SHOC2: variants seen among roughly 807,000 people sequenced by gnomAD.
SHOC2 encodes leucine-rich repeat protein SHOC-2.
SHOC2 carries 4 observed loss-of-function variants against 50.2 expected under a neutral mutation model. The ratio of observed to expected loss-of-function variants is 0.08; its 90% confidence interval spans 0.04 to 0.18. The LOEUF is 0.18. Ranked by LOEUF, SHOC2 falls within the 10% of genes least tolerant of loss-of-function variation. The pLI is 1.00. For missense variants in SHOC2, 388 were observed against 669.6 expected (o/e 0.58, Z 4.64); for synonymous variants, 218 against 244.5 (o/e 0.89, Z 1.01).
intron 2 of SHOC2, among the ~76,000 whole-genome samples, chr10:110,977,683 C>T (rs2134137922): frequency 6.6e-6 from 1 of 152,244 alleles, no homozygotes; most frequent in Non-Finnish European, 1.5e-5. Context: ...TCAGTTTAAT[C>T]CTTTCGTGGC....
Position 111,011,808 on chromosome 10 carries a change from C to T in SHOC2, c.1739C>T (p.Ala580Val), listed in dbSNP as rs1848570757. 1.2e-6 allele frequency: 2 copies of T among 1,613,096 alleles called. No homozygotes were observed. The highest frequency in any genetic ancestry group is 4.5e-5 in the East Asian group (2 of 44,886). ...QFLKMQGPYR[A>V]MV ...TTAAAGATGCAGGGTCCATATCGTGCCATGGTCTGATATAAATCTGCTGGT... is the reference window on the plus strand; with the variant it reads ...TTAAAGATGCAGGGTCCATATCGTGTCATGGTCTGATATAAATCTGCTGGT... The change falls in exon 9 of 9, where the codon GCC (alanine) becomes GTC (valine). Residue 580 changes from alanine (A) to valine (V), a missense_variant. Transcript: ENST00000369452.
chr10:111,009,978 G>T (rs1848538565), intron 8 of SHOC2, 148 bp downstream of exon 8: 1 of 594,260 alleles, frequency 1.7e-6, no homozygotes, highest in Non-Finnish European at 3.0e-6. Context: ...AGCACCGATG[G>T]TTGATTGTTG....
intron 1 of SHOC2, among the ~76,000 whole-genome samples, chr10:110,958,131 C>T (rs937362293): frequency 6.6e-6 from 1 of 152,152 alleles, no homozygotes; most frequent in Non-Finnish European, 1.5e-5. Context: ...AATAGATGAA[C>T]TGGCTGCTGC....
rs1848601767 is a variant in SHOC2 at position 111,013,288 on chromosome 10, C to T, written c.*1470C>T. On this transcript the variant is annotated 3_prime_UTR_variant, in exon 9 of 9. Coordinates refer to ENST00000369452, the MANE Select transcript of SHOC2 (RefSeq NM_007373.4). ...AATTAATCACTATTTTGTATAATTA[C>T]ATATTGCTGCTTGTGTGTTTTTTTT... 1 of 149,820 alleles carries T rather than the reference C, an allele frequency of 6.7e-6. No individual in the cohort carries two copies. The highest frequency in any genetic ancestry group is 1.9e-4 in the East Asian group (1 of 5,164). The allele number at this position is 149,820 out of a possible 1,614,324, so 9.3% of individuals were successfully genotyped here. A position where few individuals can be genotyped will look rare whatever the true frequency, so the allele number is the denominator to read the frequency against.
chr10:110,995,426 A>G (rs1263418722), intron 3 of SHOC2, among the ~76,000 whole-genome samples: 1 of 152,226 alleles, frequency 6.6e-6, no homozygotes, highest in Admixed American at 6.5e-5. Flanking sequence ...ATGGAAGAAA[A>G]ATGCAGTCCA....
At chr10:110,942,503 G>A in intron 1 of SHOC2, among the ~76,000 whole-genome samples, 1 of 152,170 alleles carries the variant, frequency 6.6e-6, no homozygotes, top group Admixed American at 6.5e-5. Context: ...ATGAGCCACT[G>A]TACCCAGCTC....
intron 1 of SHOC2, among the ~76,000 whole-genome samples, chr10:110,961,986 C>T (rs910651376): frequency 1.3e-5 from 2 of 152,034 alleles, no homozygotes; most frequent in Admixed American, 6.6e-5. Context: ...GACCCCCTCT[C>T]CCTAAAATTT....
chr10:110,930,404 T>G (rs1356813832), intron 1 of SHOC2, among the ~76,000 whole-genome samples: 1 of 152,168 alleles, frequency 6.6e-6, no homozygotes, highest in East Asian at 1.9e-4. Flanking sequence ...GGAAAGGATT[T>G]ATAATGAGAT....
At chr10:111,010,502 G>A (rs1346329568) in intron 8 of SHOC2, among the ~76,000 whole-genome samples, 1 of 152,030 alleles carries the variant, frequency 6.6e-6, no homozygotes, top group Non-Finnish European at 1.5e-5. Flanking sequence ...TGGATACAGG[G>A]TGGGGAACAT....
At position 111,011,274 on chromosome 10, in the gene SHOC2, A is replaced by G. The variant is rs190442971; in HGVS notation, c.1541-336A>G. Among the ~76,000 whole-genome samples the G allele has an allele frequency of 2.0e-3, 310 of 152,302 alleles. 3 individuals carry two copies. Among genetic ancestry groups the G allele is most frequent in the Non-Finnish European group, 1.6e-3 (110 of 68,024 alleles). On this transcript the variant is annotated intron_variant, in intron 8 of 8. Transcript: ENST00000369452. ...TAAAATATATATAAGTAAATGTTAT[A>G]TATGTGCCAAACTATCCCAAACAGA...
chr10:110,927,702 C>T (rs192990190), intron 1 of SHOC2, among the ~76,000 whole-genome samples: 4 of 152,198 alleles, frequency 2.6e-5, no homozygotes, highest in East Asian at 1.9e-4. Context: ...GTATTTGGGA[C>T]GAGAACAAAG....
chr10:110,995,810 T>G (rs1329309511), intron 3 of SHOC2, among the ~76,000 whole-genome samples: 1 of 152,240 alleles, frequency 6.6e-6, no homozygotes, highest in Non-Finnish European at 1.5e-5. Context: ...CAGTGTAAAG[T>G]GCCCAGACTT....
At chr10:110,951,407 A>G (rs1315200447) in intron 1 of SHOC2, among the ~76,000 whole-genome samples, 1 of 152,188 alleles carries the variant, frequency 6.6e-6, no homozygotes, top group Non-Finnish European at 1.5e-5. Flanking sequence ...TGGTGGGGAT[A>G]TAGAGAGAAT....
rs113460366 is a variant in SHOC2, at chr10:110,936,430, C to A, written c.-235+16773C>A. ...CTTCACTGATGTTTAAACATTGATTCCCTCCTCCTTCACATGTTAAGATAG... is the reference window on the plus strand; with the variant it reads ...CTTCACTGATGTTTAAACATTGATTACCTCCTCCTTCACATGTTAAGATAG... On this transcript the variant is annotated intron_variant, in intron 1 of 8. Transcript: ENST00000369452. Among the ~76,000 whole-genome samples, 134 of 151,932 alleles carry A rather than the reference C, an allele frequency of 8.8e-4. 1 individual carries two copies. Among genetic ancestry groups the A allele is most frequent in the African/African-American group, 3.0e-3 (124 of 41,444 alleles).
intron 3 of SHOC2, among the ~76,000 whole-genome samples, chr10:110,996,349 G>T (rs138611211): frequency 6.6e-6 from 1 of 152,034 alleles, no homozygotes; most frequent in African/African-American, 2.4e-5. Flanking sequence ...GCAACATGGC[G>T]AAACTCTATC....
At chr10:110,981,891 C>T (rs1847986488) in intron 2 of SHOC2, among the ~76,000 whole-genome samples, 1 of 28,194 alleles carries the variant, frequency 3.5e-5, no homozygotes, top group African/African-American at 9.2e-5. Flanking sequence ...TTTTAGGGTA[C>T]ATGTGCACAT....
intron 3 of SHOC2, 75 bp from the exon 4 acceptor site, chr10:111,000,340 G>A: frequency 7.0e-7 from 1 of 1,436,684 alleles, no homozygotes; most frequent in Non-Finnish European, 9.8e-7. Context: ...TAAATAGTTA[G>A]TAGATAGCCT....
intron 3 of SHOC2, among the ~76,000 whole-genome samples, chr10:110,993,212 A>G (rs998525442): frequency 3.9e-5 from 6 of 152,178 alleles, no homozygotes; most frequent in Non-Finnish European, 5.9e-5. Flanking sequence ...TTCTTAGTCA[A>G]GATGGCTCAA....
rs368036124 is a variant in SHOC2 at position 110,955,732 on chromosome 10, C to A, written c.-234-8393C>A. 3.2e-3 allele frequency among the ~76,000 whole-genome samples: 484 copies of A among 152,170 alleles called. 25 individuals carry two copies. In the South Asian group the frequency reaches 0.093, roughly 29 times the overall value. ...CTGTTTTCTATAATTTTTGTTTCAACCAAAATATTATAATTTCTTTTTTAC... is the reference window on the plus strand; with the variant it reads ...CTGTTTTCTATAATTTTTGTTTCAAACAAAATATTATAATTTCTTTTTTAC... On this transcript the variant is annotated intron_variant, in intron 1 of 8. Transcript: ENST00000369452.
Sources: allele counts gnomAD v4.1 joint callset (sites outside exome capture counted in the v4.1 genomes callset), GRCh38; gene constraint gnomAD v4.1.1; transcripts MANE v1.5; gene names NCBI Gene and HGNC (gene_info 2026-07-23, HGNC 2026-07-21).